Variants in PTPRN2 observed in about 807,000 individuals in gnomAD.
PTPRN2 encodes receptor-type tyrosine-protein phosphatase N2.
In PTPRN2, 74 loss-of-function variants were observed where a neutral mutation model predicts 118.8. The ratio of observed to expected loss-of-function variants is 0.62; its 90% CI spans 0.52 to 0.76. The LOEUF is 0.76. PTPRN2 is among the 30% of genes least tolerant of loss of function. The probability of loss-of-function intolerance (pLI) is 0.00; values close to 1 mark genes in which losing one functional copy is unlikely to be tolerated. For missense variants in PTPRN2, 1,481 were observed against 1,394.4 expected (o/e 1.06, Z -0.99); for synonymous variants, 641 against 608.0 (o/e 1.05, Z -0.80).
intron 3 of PTPRN2, among the ~76,000 whole-genome samples, chr7:158,291,439 C>A (rs1800114680): frequency 6.6e-6 from 1 of 152,062 alleles, no homozygotes; most frequent in Non-Finnish European, 1.5e-5. Context: ...TTTTTTTAGT[C>A]TAAGCTCTAG....
rs117308800 is a variant in PTPRN2, at chr7:158,050,228, C to G, written c.1723+31070G>C. ...GAGTGAAAATATTCAGGGAATGCAG[C>G]CTTTTGTAGATTATTCATGTTCTAA... On this transcript the variant is annotated intron_variant, in intron 11 of 22. Transcript: ENST00000389418. Among the ~76,000 whole-genome samples the G allele has an allele frequency of 8.3e-3, 1,262 of 152,262 alleles. 11 individuals carry two copies. The highest frequency in any genetic ancestry group is 0.015 in the Non-Finnish European group (1,038 of 68,008).
chr7:157,722,825 A>AG (rs1224972467), intron 12 of PTPRN2, among the ~76,000 whole-genome samples: 6 of 151,744 alleles, frequency 4.0e-5, no homozygotes, highest in Admixed American at 6.6e-5. Flanking sequence ...GAGGCGGTGC[A>AG]GGGTGGGGCT....
intron 12 of PTPRN2, among the ~76,000 whole-genome samples, chr7:157,737,725 G>A (rs553658958): frequency 1.3e-5 from 2 of 152,222 alleles, no homozygotes; most frequent in South Asian, 2.1e-4. Context: ...CCTGGTCCTC[G>A]GGAGCATTTA....
In PTPRN2 at chr7:157,656,519, T is replaced by C. The variant is rs1806105206; in HGVS notation, c.2034A>G (p.Pro678=). ...TGTGCGGGCCCTCAGGTCGGTCTGG[T>C]GGCCGCGTGGCCATACGCTGGCGGC... ...ELCRQRMATR[P]PDRPEGPHTS... Residue 678 remains proline (P), a synonymous_variant, in exon 14 of 23, where the codon CCA becomes CCG. Coordinates refer to ENST00000389418, the MANE Select transcript of PTPRN2 (RefSeq NM_002847.5). 8 of 1,548,748 alleles carry C rather than the reference T, an allele frequency of 5.2e-6. No homozygotes were observed. The highest frequency in any genetic ancestry group is 6.9e-6 in the Non-Finnish European group (8 of 1,152,794).
At chr7:157,549,928 CTG>C (rs1798509869) in intron 21 of PTPRN2, among the ~76,000 whole-genome samples, 1 of 152,224 alleles carries the variant, frequency 6.6e-6, no homozygotes, top group African/African-American at 2.4e-5. Flanking sequence ...GAACTGAGAA[CTG>C]TGGTCACCCG....
intron 12 of PTPRN2, among the ~76,000 whole-genome samples, chr7:157,718,945 C>T (rs979200949): frequency 6.6e-6 from 1 of 152,206 alleles, no homozygotes; most frequent in African/African-American, 2.4e-5. Flanking sequence ...ATGCCCCACC[C>T]CTTGCCTCCA....
At chr7:158,130,770 C>T (rs572941249) in intron 9 of PTPRN2, among the ~76,000 whole-genome samples, 90 of 150,312 alleles carry the variant, frequency 6.0e-4, no homozygotes, top group South Asian at 1.1e-3. Flanking sequence ...TACTCATATA[C>T]ATACATGCAC....
intron 3 of PTPRN2, among the ~76,000 whole-genome samples, chr7:158,264,693 C>A (rs1797757903): frequency 6.6e-6 from 1 of 152,200 alleles, no homozygotes; most frequent in African/African-American, 2.4e-5. Flanking sequence ...GAGCCGTGGG[C>A]TCTCTCCTAA....
intron 12 of PTPRN2, among the ~76,000 whole-genome samples, chr7:157,812,594 ACT>A (rs930661143): frequency 1.3e-5 from 2 of 152,034 alleles, no homozygotes; most frequent in African/African-American, 4.8e-5. Context: ...GAGACCAGAA[ACT>A]CTATGTCAGC....
intron 12 of PTPRN2, among the ~76,000 whole-genome samples, chr7:157,747,103 G>A (rs369564115): frequency 7.0e-5 from 10 of 143,302 alleles, no homozygotes; most frequent in African/African-American, 2.8e-4. Context: ...GCTGTGGGCT[G>A]TTGAGGCGAT....
intron 3 of PTPRN2, among the ~76,000 whole-genome samples, chr7:158,222,450 A>T (rs1365386607): frequency 6.6e-6 from 1 of 152,232 alleles, no homozygotes; most frequent in Non-Finnish European, 1.5e-5. Flanking sequence ...GTAGGCCATC[A>T]TCCTAATCAA....
intron 12 of PTPRN2, among the ~76,000 whole-genome samples, chr7:157,768,910 C>A (rs768309709): frequency 2.0e-5 from 3 of 152,308 alleles, no homozygotes; most frequent in Middle Eastern, 6.8e-3. Flanking sequence ...GCGAAGTCGA[C>A]ACACACATCT....
intron 12 of PTPRN2, among the ~76,000 whole-genome samples, chr7:157,694,635 C>T (rs7777818): frequency 0.15 from 22,864 of 152,106 alleles, 1,814 homozygotes; most frequent in Admixed American, 0.2. Context: ...TTTAAATTCC[C>T]TTTTTATTTC....
At chr7:157,574,382 T>G (rs759648406) in intron 19 of PTPRN2, 1 of 533,944 alleles carries the variant, frequency 1.9e-6, no homozygotes, top group African/African-American at 1.9e-5. Context: ...TGGGCTCATA[T>G]TACTAGCTGC....
chr7:158,313,058 G>C (rs1317346727), intron 3 of PTPRN2, among the ~76,000 whole-genome samples: 1 of 152,150 alleles, frequency 6.6e-6, no homozygotes, highest in South Asian at 2.1e-4. Context: ...GTGTGTGCAG[G>C]TTTGTCTGCG....
At chr7:158,502,556 G>A (rs1006616416) in intron 1 of PTPRN2, among the ~76,000 whole-genome samples, 1 of 152,148 alleles carries the variant, frequency 6.6e-6, no homozygotes, top group African/African-American at 2.4e-5. Context: ...CCTTCCTCCC[G>A]GCTGCACTTG....
intron 12 of PTPRN2, among the ~76,000 whole-genome samples, chr7:157,840,141 G>A (rs1056983692): frequency 3.3e-5 from 5 of 150,236 alleles, no homozygotes; most frequent in Admixed American, 2.0e-4. Context: ...GGCCGTCACT[G>A]TTACCACATG....
chr7:158,550,159 A>C (rs911603757), intron 1 of PTPRN2, among the ~76,000 whole-genome samples: 4 of 152,278 alleles, frequency 2.6e-5, no homozygotes, highest in African/African-American at 7.2e-5. Context: ...GTCGGGGTGG[A>C]GATTGACTCC....
At chr7:158,298,933 C>T (rs1029020318) in intron 3 of PTPRN2, among the ~76,000 whole-genome samples, 1 of 152,196 alleles carries the variant, frequency 6.6e-6, no homozygotes, top group Non-Finnish European at 1.5e-5. Context: ...AACACGATGC[C>T]TCTGTGGCCC....
Sources: gnomAD v4.1 joint callset for allele counts (sites outside exome capture counted in the v4.1 genomes callset) on GRCh38, gnomAD v4.1.1 for gene constraint, MANE v1.5 for transcripts, NCBI Gene and HGNC (gene_info 2026-07-23, HGNC 2026-07-21) for gene names.